The following CCDC9 variants were observed in gnomAD, a reference collection of about 807,000 sequenced individuals.
The protein encoded by CCDC9 is coiled-coil domain-containing protein 9.
CCDC9 carries 52 observed loss-of-function variants against 65.6 expected under a neutral mutation model. The ratio of observed to expected loss-of-function variants is 0.79; its 90% confidence interval spans 0.63 to 1.00. CCDC9 has a LOEUF of 1.00. Ranked by LOEUF, CCDC9 falls within the 50% of genes least tolerant of loss-of-function variation. The pLI is 0.00. For synonymous variants in CCDC9, 332 were observed against 280.3 expected, an observed-to-expected ratio of 1.18 and a Z score of -1.84; for missense variants, 834 against 757.2, an observed-to-expected ratio of 1.10 and a Z score of -1.19.
rs2059116006 is a variant in CCDC9 at position 47,271,378 on chromosome 19, A to G, written c.1296A>G (p.Glu432=). The G allele has an allele frequency of 6.2e-7, 1 of 1,613,380 alleles. No homozygotes were observed. The highest frequency in any genetic ancestry group is 8.5e-7 in the Non-Finnish European group (1 of 1,179,790). The change falls in exon 12 of 12, where the codon GAA becomes GAG. Residue 432 remains glutamate, a synonymous_variant. Coordinates refer to ENST00000221922, the MANE Select transcript of CCDC9 (RefSeq NM_015603.3). ...EEWEDISEDE[E]EEEIEVEEGD... is the part of the protein sequence containing the mutation. The stretch of plus-strand genomic sequence containing the variant: ...GGGAGGACATAAGTGAGGATGAGGA[A>G]GAGGAGGAGATCGAGGTGGAAGAAG...
rs1255904211 is a variant in CCDC9 at position 47,271,646 on chromosome 19, C to T, written c.1564C>T (p.Pro522Ser). 1.2e-6 allele frequency: 2 copies of T among 1,603,442 alleles called. No homozygotes were observed. Among genetic ancestry groups the T allele is most frequent in the East Asian group, 2.3e-5 (1 of 44,382 alleles). Residue 522 changes from proline to serine, a missense_variant, in exon 12 of 12, where the codon CCG (proline) becomes TCG (serine). By Grantham distance (74) the Pro-to-Ser change is moderately conservative. Coordinates refer to ENST00000221922, the MANE Select transcript of CCDC9 (RefSeq NM_015603.3). ...RTTHLAGALS[P>S]GEAWPFESV ...CACTCACCTGGCTGGCGCCCTCTCCCCGGGTGAGGCCTGGCCTTTTGAGAG... is the reference window on the plus strand; with the variant it reads ...CACTCACCTGGCTGGCGCCCTCTCCTCGGGTGAGGCCTGGCCTTTTGAGAG...
At chr19:47,263,060 A>G (rs1445521404) in intron 5 of CCDC9, among the ~76,000 whole-genome samples, 1 of 148,232 alleles carries the variant, frequency 6.7e-6, no homozygotes, top group Non-Finnish European at 1.5e-5. Flanking sequence ...AACACACACC[A>G]CTACATTCCA....
intron 8 of CCDC9, among the ~76,000 whole-genome samples, chr19:47,269,974 GTTTT>G (rs960778711): frequency 7.0e-6 from 1 of 143,494 alleles, no homozygotes; most frequent in African/African-American, 2.5e-5. Context: ...CCTATCCTTT[GTTTT>G]TTTTTTTTGA....
At position 47,271,674 on chromosome 19, in the gene CCDC9, T is replaced by C. The variant is rs774614098; in HGVS notation, c.1592T>C (p.Val531Ala). The C allele has an allele frequency of 1.4e-5, 22 of 1,589,690 alleles. No homozygotes were observed. In the South Asian group the frequency reaches 2.2e-4, roughly 16 times the overall value. ...SPGEAWPFES[V>A] ...GGTGAGGCCTGGCCTTTTGAGAGTGTATGAAGCTGGCTGCCTGTGTGTGTG... is the reference window on the plus strand; with the variant it reads ...GGTGAGGCCTGGCCTTTTGAGAGTGCATGAAGCTGGCTGCCTGTGTGTGTG... The change falls in exon 12 of 12, where the codon GTA becomes GCA. Residue 531 changes from valine (V) to alanine (A), a missense_variant. Coordinates refer to ENST00000221922, the MANE Select transcript of CCDC9 (RefSeq NM_015603.3).
chr19:47,272,734 CTG>C (rs2059131473), downstream of CCDC9, among the ~76,000 whole-genome samples: 1 of 152,200 alleles, frequency 6.6e-6, no homozygotes, highest in Non-Finnish European at 1.5e-5. Context: ...CTGGATTTAA[CTG>C]TGGCTGGGAT....
Position 47,258,375 on chromosome 19 carries a change from G to A in CCDC9, c.-26G>A, listed in dbSNP as rs374782034. ...AGATTCTGCAGGGGAGGTTTGCTGG[G>A]ACCTTGGCTCCACGCAGCCAGCGAA... On this transcript the variant is annotated 5_prime_UTR_variant, in exon 2 of 12. Coordinates refer to ENST00000221922, the MANE Select transcript of CCDC9 (RefSeq NM_015603.3). The A allele has an allele frequency of 1.4e-5, 22 of 1,613,650 alleles. No homozygotes were observed. Among genetic ancestry groups the A allele is most frequent in the Non-Finnish European group, 1.8e-5 (21 of 1,179,766 alleles).
At chr19:47,270,262 C>T (rs558156570) in intron 8 of CCDC9, 145 bp from the exon 9 acceptor site, 17 of 760,088 alleles carry the variant, frequency 2.2e-5, no homozygotes, top group Admixed American at 1.7e-4. Flanking sequence ...AGCCACCATG[C>T]CCGGCCCTGT....
Position 47,258,594 on chromosome 19 carries a change from G to C in CCDC9, c.39G>C (p.Lys13Asn). Reference sequence around the variant, plus strand: ...TCGATTTGAAATCAAAGGAGGAGAAGGATGCTGAGTTGGACAAGAGGATCG... The same window carrying C: ...TCGATTTGAAATCAAAGGAGGAGAACGATGCTGAGTTGGACAAGAGGATCG... ...ATLDLKSKEE[K>N]DAELDKRIEA... is the part of the protein sequence containing the mutation. Residue 13 changes from lysine (K) to asparagine (N), a missense_variant, in exon 3 of 12, where the codon AAG (lysine) becomes AAC (asparagine). By Grantham distance (94) the Lys-to-Asn change is moderately conservative. Transcript: ENST00000221922. 1.2e-6 allele frequency: 2 copies of C among 1,614,156 alleles called. No homozygotes were observed. The highest frequency in any genetic ancestry group is 2.2e-5 in the South Asian group (2 of 91,088).
Sources: allele counts gnomAD v4.1 joint callset (sites outside exome capture counted in the v4.1 genomes callset), GRCh38; gene constraint gnomAD v4.1.1; transcripts MANE v1.5; gene names NCBI Gene and HGNC (gene_info 2026-07-23, HGNC 2026-07-21).